Variants in FGD3 observed in about 807,000 individuals in gnomAD.
FGD3 encodes FYVE, RhoGEF and PH domain containing 3.
FGD3 carries 45 observed loss-of-function variants against 71.8 expected under a neutral mutation model. The ratio of observed to expected loss-of-function variants is 0.63; its 90% CI spans 0.49 to 0.80. The LOEUF is 0.80. FGD3 is among the 30% of genes least tolerant of loss of function. The pLI is 0.00. For synonymous variants in FGD3, 378 were observed against 392.8 expected, an observed-to-expected ratio of 0.96 and a Z score of 0.44; for missense variants, 844 against 951.5, an observed-to-expected ratio of 0.89 and a Z score of 1.49.
At chr9:92,990,126 A>G (rs910018312) in intron 3 of FGD3, among the ~76,000 whole-genome samples, 4 of 152,048 alleles carry the variant, frequency 2.6e-5, no homozygotes, top group African/African-American at 9.7e-5. Flanking sequence ...TTGTGATACA[A>G]TATAGGTTTT....
At chr9:92,998,518 C>G (rs897490911) in intron 3 of FGD3, among the ~76,000 whole-genome samples, 4 of 152,170 alleles carry the variant, frequency 2.6e-5, no homozygotes, top group African/African-American at 9.7e-5. Flanking sequence ...CCGTTGCTGG[C>G]AAGGAGCTGT....
intron 3 of FGD3, among the ~76,000 whole-genome samples, chr9:92,998,822 C>T (rs1860746336): frequency 6.6e-6 from 1 of 152,150 alleles, no homozygotes; most frequent in Non-Finnish European, 1.5e-5. Context: ...CTGTCTGATC[C>T]TTCTTCTGGA....
rs766788753 is a variant in FGD3 at position 92,976,609 on chromosome 9, C to T, written c.353C>T (p.Pro118Leu). ...GAGATGGCCCTGGACAGCCAGGTCC[C>T]GAAGGTCACCCCCCAGGAGGAGGCG... ...HAEMALDSQV[P>L]KVTPQEEADS... Residue 118 changes from proline to leucine, a missense_variant, in exon 3 of 18, where the codon CCG becomes CTG. Transcript: ENST00000375482. 11 of 1,612,652 alleles carry T rather than the reference C, an allele frequency of 6.8e-6. No homozygotes were observed. The highest frequency in any genetic ancestry group is 1.6e-4 in the Middle Eastern group (1 of 6,080).
rs377344635 is a variant in FGD3 at position 93,019,919 on chromosome 9, A to G, written c.1386+58A>G. On this transcript the variant is annotated intron_variant, in intron 12 of 17. Coordinates refer to ENST00000375482, the MANE Select transcript of FGD3 (RefSeq NM_001083536.2). ...GACCAAGTGATTGAGCAGTAAGGCC[A>G]TTCATGTTGGTTCAGAGGGTGGGGG... 1.8e-5 allele frequency: 29 copies of G among 1,593,090 alleles called. No individual in the cohort carries two copies. The African/African-American group carries it at 2.4e-4, about 13-fold the overall frequency.
chr9:93,014,634 TTTTG>T (rs1007303414), intron 9 of FGD3, among the ~76,000 whole-genome samples: 10 of 152,172 alleles, frequency 6.6e-5, no homozygotes, highest in African/African-American at 2.4e-4. Flanking sequence ...AACAAGTTTT[TTTTG>T]TTTGTTTTTG....
chr9:92,993,229 A>AG (rs974601882), intron 3 of FGD3, among the ~76,000 whole-genome samples: 17 of 152,190 alleles, frequency 1.1e-4, no homozygotes, highest in African/African-American at 3.9e-4. Flanking sequence ...CCTCCTGAGT[A>AG]GGGGGGACTG....
chr9:92,950,472 A>G (rs530407384), intron 1 of FGD3, among the ~76,000 whole-genome samples: 2 of 151,112 alleles, frequency 1.3e-5, no homozygotes, highest in East Asian at 3.9e-4. Flanking sequence ...AGCAGGTTGG[A>G]TTTGCCAGAC....
intron 1 of FGD3, among the ~76,000 whole-genome samples, chr9:92,966,432 A>G (rs1859328683): frequency 6.6e-6 from 1 of 152,174 alleles, no homozygotes; most frequent in African/African-American, 2.4e-5. Flanking sequence ...CCACAGGCAA[A>G]TGGTTGCTGC....
Position 93,010,385 on chromosome 9 carries a change from G to A in FGD3, c.976+1G>A, listed in dbSNP as rs746604242. The A allele has an allele frequency of 6.2e-7, 1 of 1,605,360 alleles. No homozygotes were observed. On this transcript the variant is annotated splice_donor_variant, in intron 7 of 17. Transcript: ENST00000375482. LOFTEE classifies it high-confidence loss of function. ...GCCCCAGACCGGAAGGATGCGGAGA[G>A]TGAGCTGGGGCCAAGGGCTCCCAGG...
At chr9:92,965,804 C>T (rs1472408571) in intron 1 of FGD3, among the ~76,000 whole-genome samples, 2 of 152,180 alleles carry the variant, frequency 1.3e-5, no homozygotes, top group East Asian at 3.9e-4. Flanking sequence ...GCTGGGAGCT[C>T]CCAAAGCATC....
Position 93,005,329 on chromosome 9 carries a change from G to A in FGD3, c.681-695G>A, listed in dbSNP as rs531680740. ...TTTTAAGTAGAGACGGGGTTTCACC[G>A]TGTTGGCCAGGATGGTCTCGATCTC... On this transcript the variant is annotated intron_variant, in intron 5 of 17. Transcript: ENST00000375482. 1.4e-4 allele frequency among the ~76,000 whole-genome samples: 22 copies of A among 151,966 alleles called. No individual in the cohort carries two copies. The South Asian group carries it at 3.3e-3, about 23-fold the overall frequency.
intron 16 of FGD3, 89 bp from the exon 17 acceptor site, chr9:93,034,452 C>T: frequency 6.8e-7 from 1 of 1,461,788 alleles, no homozygotes. Flanking sequence ...TCCCCCCAAG[C>T]AGTGGCCCTG....
At chr9:93,020,901 C>T (rs1389799279) in intron 13 of FGD3, among the ~76,000 whole-genome samples, 2 of 152,350 alleles carry the variant, frequency 1.3e-5, no homozygotes, top group Non-Finnish European at 1.5e-5. Flanking sequence ...GCCCCAGGCC[C>T]GTGGTCAGCG....
chr9:93,020,573 TA>T, intron 13 of FGD3, 149 bp downstream of exon 13: 1 of 640,594 alleles, frequency 1.6e-6, no homozygotes, highest in Non-Finnish European at 2.8e-6. Context: ...TCCCTTGTGT[TA>T]AAATAAAAAC....
Position 92,969,578 on chromosome 9 carries a change from G to T in FGD3, c.-217-5660G>T, listed in dbSNP as rs2118545467. On this transcript the variant is annotated intron_variant, in intron 1 of 17. Coordinates refer to ENST00000375482, the MANE Select transcript of FGD3 (RefSeq NM_001083536.2). This position sits in a 1 kb window ranked among gnomAD's most constrained non-coding sequence, Gnocchi z 4.5. ...CCTCCTGTGTGCCGGGGGCCACTGGGCCACTCCAGCGACAGGACAAGGGAG... is the reference window on the plus strand; with the variant it reads ...CCTCCTGTGTGCCGGGGGCCACTGGTCCACTCCAGCGACAGGACAAGGGAG... Among the ~76,000 whole-genome samples, 1 of 152,274 alleles carries T rather than the reference G, an allele frequency of 6.6e-6. No homozygotes were observed. The highest frequency in any genetic ancestry group is 1.5e-5 in the Non-Finnish European group (1 of 68,018).
chr9:93,004,118 A>T lies in FGD3; in HGVS notation c.661A>T (p.Thr221Ser), dbSNP rs1249723044. 3 of 1,613,904 alleles carry T rather than the reference A, an allele frequency of 1.9e-6. No individual in the cohort carries two copies. Among genetic ancestry groups the T allele is most frequent in the African/African-American group, 2.7e-5 (2 of 74,940 alleles). ...HGQFLLPELK[T>S]RITEEWDTNP... ...GCAGTTCCTGCTGCCGGAGCTGAAG[A>T]CGCGGATCACGGAGGAGTGGTGAGT... The change falls in exon 5 of 18, where the codon ACG (threonine) becomes TCG (serine). Residue 221 changes from threonine (T) to serine (S), a missense_variant. Transcript: ENST00000375482.
At chr9:92,949,912 A>G (rs1858923045) in intron 1 of FGD3, among the ~76,000 whole-genome samples, 1 of 151,962 alleles carries the variant, frequency 6.6e-6, no homozygotes, top group African/African-American at 2.4e-5. Context: ...CAACCAACTA[A>G]CCAACAGCTG....
chr9:92,962,120 C>A (rs372725445), intron 1 of FGD3, among the ~76,000 whole-genome samples: 1 of 152,224 alleles, frequency 6.6e-6, no homozygotes, highest in Admixed American at 6.5e-5. Context: ...CTCCCACTCA[C>A]CCCAACCAGG....
intron 1 of FGD3, chr9:92,964,319 C>G (rs1859236492): frequency 6.6e-6 from 1 of 152,184 alleles, no homozygotes; most frequent in Non-Finnish European, 1.5e-5. Flanking sequence ...CGAAGTTCAG[C>G]CCAGAGGAGA....
Sources: allele counts gnomAD v4.1 joint callset (sites outside exome capture counted in the v4.1 genomes callset), GRCh38; gene constraint gnomAD v4.1.1; non-coding constraint Gnocchi (gnomAD v3.1); transcripts MANE v1.5; gene names NCBI Gene and HGNC (gene_info 2026-07-23, HGNC 2026-07-21).